Variants in NFATC1 observed in about 807,000 individuals in gnomAD.
The protein encoded by NFATC1 is nuclear factor of activated T-cells, cytoplasmic 1.
A neutral mutation model predicts 76.0 loss-of-function variants in NFATC1; 22 were observed. The ratio of observed to expected loss-of-function variants is 0.29; its 90% CI spans 0.21 to 0.41. NFATC1 has a LOEUF of 0.41. Among genes scored for constraint, NFATC1 ranks in the 10% least tolerant of loss-of-function variants. NFATC1 has a pLI of 1.00. For synonymous variants in NFATC1, 704 were observed against 613.1 expected, an observed-to-expected ratio of 1.15 and a Z score of -2.19; for missense variants, 1,357 against 1,337.7, an observed-to-expected ratio of 1.01 and a Z score of -0.23.
chr18:79,456,635 C>T (rs1210398016), intron 6 of NFATC1, among the ~76,000 whole-genome samples: 2 of 152,230 alleles, frequency 1.3e-5, no homozygotes, highest in Non-Finnish European at 2.9e-5. Flanking sequence ...GGCACTGCCC[C>T]TTTCGGCCCT....
At chr18:79,519,616 G>C (rs939106360) in intron 9 of NFATC1, among the ~76,000 whole-genome samples, 1 of 152,196 alleles carries the variant, frequency 6.6e-6, no homozygotes, top group East Asian at 1.9e-4. Context: ...TGGGATTACA[G>C]GTGTGAGCCA....
At chr18:79,422,286 C>T (rs555330038) in intron 2 of NFATC1, 1 of 152,432 alleles carries the variant, frequency 6.6e-6, no homozygotes, top group Admixed American at 6.5e-5. Context: ...GTTTTATAAG[C>T]CATCCATGGC....
chr18:79,518,628 C>T (rs1296286632), intron 9 of NFATC1, among the ~76,000 whole-genome samples: 1 of 152,270 alleles, frequency 6.6e-6, no homozygotes, highest in Non-Finnish European at 1.5e-5. Flanking sequence ...GGAGCCACCG[C>T]TCATTGCCCA....
intron 1 of NFATC1, among the ~76,000 whole-genome samples, chr18:79,401,041 C>G (rs1488986509): frequency 2.1e-5 from 3 of 140,120 alleles, no homozygotes; most frequent in East Asian, 2.1e-4. Flanking sequence ...TGACCCCAGC[C>G]TTTTCTTTCA....
intron 9 of NFATC1, among the ~76,000 whole-genome samples, chr18:79,513,984 G>A (rs2090321612): frequency 6.6e-6 from 1 of 152,338 alleles, no homozygotes; most frequent in Admixed American, 6.5e-5. Flanking sequence ...TCAGGCTCCT[G>A]TGAAGGCCGT....
At chr18:79,468,072 A>G in intron 8 of NFATC1, 1 of 850,550 alleles carries the variant, frequency 1.2e-6, no homozygotes, top group African/African-American at 1.8e-5. Flanking sequence ...ACACTTCTCC[A>G]GGGGTAACTT....
Position 79,498,411 on chromosome 18 carries a change from A to G in NFATC1, c.2782+11474A>G, listed in dbSNP as rs568246339. The G allele has an allele frequency of 2.6e-5, 4 of 152,280 alleles. No homozygotes were observed. The East Asian group carries it at 7.7e-4, about 29-fold the overall frequency. 9.4% of individuals were successfully genotyped at this position (152,280 alleles called of 1,614,324 possible). A position where few individuals can be genotyped will look rare whatever the true frequency, so the allele number is the denominator to read the frequency against. ...CAGTTGAAAAGTAAATGAAAAATGC[A>G]TTAGAGAGGCTGAACAACAGATTTG... On this transcript the variant is annotated intron_variant, in intron 9 of 9. Coordinates refer to ENST00000427363, the MANE Select transcript of NFATC1 (RefSeq NM_001278669.2).
At chr18:79,417,069 G>A (rs1416872669) in intron 2 of NFATC1, among the ~76,000 whole-genome samples, 1 of 152,238 alleles carries the variant, frequency 6.6e-6, no homozygotes. Flanking sequence ...CAAGCCAGAC[G>A]GTCCCCAGGA....
At chr18:79,442,232 G>A (rs918904367) in intron 3 of NFATC1, among the ~76,000 whole-genome samples, 3 of 152,206 alleles carry the variant, frequency 2.0e-5, no homozygotes, top group Non-Finnish European at 2.9e-5. Flanking sequence ...GTGGAGACCC[G>A]CGTGCACGTG....
At chr18:79,400,277 GA>G (rs1341176268) in intron 1 of NFATC1, 77 of 1,181,872 alleles carry the variant, frequency 6.5e-5, no homozygotes, top group Middle Eastern at 7.0e-4. Flanking sequence ...GCGGGGCGGG[GA>G]CGGGGGGAGG....
chr18:79,402,670 G>A (rs551489309), intron 1 of NFATC1, among the ~76,000 whole-genome samples: 5 of 152,278 alleles, frequency 3.3e-5, no homozygotes, highest in South Asian at 4.1e-4. Context: ...CTGCTTTTAC[G>A]GTGTCAAGAA....
chr18:79,397,017 G>A (rs12454232), intron 1 of NFATC1, among the ~76,000 whole-genome samples: 1 of 152,142 alleles, frequency 6.6e-6, no homozygotes, highest in Non-Finnish European at 1.5e-5. Context: ...GAACCGCCAA[G>A]TTTCGAGCTG....
chr18:79,469,403 G>A (rs1569000469), intron 8 of NFATC1: 7 of 985,338 alleles, frequency 7.1e-6, no homozygotes, highest in Admixed American at 6.1e-5. Flanking sequence ...AGGGGCGTGC[G>A]GGGAGCGTGC....
chr18:79,492,633 T>TG (rs2089714016), intron 9 of NFATC1, among the ~76,000 whole-genome samples: 1 of 150,708 alleles, frequency 6.6e-6, no homozygotes, highest in South Asian at 2.1e-4. Flanking sequence ...GGCGTGAACC[T>TG]GGGAGGCGGA....
chr18:79,479,871 G>A (rs1600867954), intron 8 of NFATC1, among the ~76,000 whole-genome samples: 1 of 152,230 alleles, frequency 6.6e-6, no homozygotes, highest in East Asian at 1.9e-4. Flanking sequence ...CCGGTGGGAG[G>A]CAGCCTCAGA....
chr18:79,447,889 C>T (rs1376726993), intron 3 of NFATC1, among the ~76,000 whole-genome samples: 1 of 152,254 alleles, frequency 6.6e-6, no homozygotes, highest in Non-Finnish European at 1.5e-5. Flanking sequence ...GGGAACGGCA[C>T]CACACTCTGT....
chr18:79,511,792 TG>T (rs1243246953), intron 9 of NFATC1, among the ~76,000 whole-genome samples: 1 of 152,110 alleles, frequency 6.6e-6, no homozygotes, highest in Non-Finnish European at 1.5e-5. Flanking sequence ...CGAGGAGAGC[TG>T]CTGAAGCTCA....
chr18:79,448,993 C>T lies in NFATC1; in HGVS notation c.1589+9C>T, dbSNP rs139940872. 70 of 1,612,256 alleles carry T rather than the reference C, an allele frequency of 4.3e-5. No homozygotes were observed. The African/African-American group carries it at 6.8e-4, about 16-fold the overall frequency. ...AACAGCATGCGAGCCGTGTAAGCCGCGGGGGACCTCCGGCCTCTGGCAGGG... is the reference window on the plus strand; with the variant it reads ...AACAGCATGCGAGCCGTGTAAGCCGTGGGGGACCTCCGGCCTCTGGCAGGG... On this transcript the variant is annotated intron_variant, in intron 4 of 9. Transcript: ENST00000427363.
chr18:79,514,188 C>G (rs2090325648), intron 9 of NFATC1, among the ~76,000 whole-genome samples: 1 of 152,086 alleles, frequency 6.6e-6, no homozygotes, highest in Non-Finnish European at 1.5e-5. Context: ...CACCTGTGAT[C>G]CAAGCACTTT....
Sources: gnomAD v4.1 joint callset for allele counts (sites outside exome capture counted in the v4.1 genomes callset) on GRCh38, gnomAD v4.1.1 for gene constraint, MANE v1.5 for transcripts, NCBI Gene and HGNC (gene_info 2026-07-23, HGNC 2026-07-21) for gene names.